IQCB1: variants seen among roughly 807,000 people sequenced by gnomAD.
The protein encoded by IQCB1 is IQ calmodulin-binding motif-containing protein 1.
Under a neutral mutation model 84.4 loss-of-function variants are expected in IQCB1, and 56 were observed. That is an observed-to-expected ratio of 0.66 (90% confidence interval 0.54 to 0.83). The LOEUF is 0.83. Ranked by LOEUF, IQCB1 falls within the 40% of genes least tolerant of loss-of-function variation. The pLI is 0.00. For synonymous variants in IQCB1, 210 were observed against 234.8 expected (o/e 0.89, Z 0.96); for missense variants, 629 against 682.1 (o/e 0.92, Z 0.87).
intron 14 of IQCB1, 146 bp downstream of exon 14, chr3:121,772,411 G>A (rs1948035254): frequency 2.6e-6 from 2 of 763,762 alleles, no homozygotes; most frequent in Non-Finnish European, 4.6e-6. Context: ...AAAACATTGT[G>A]TGCTGGTCTG....
chr3:121,821,653 T>A (rs896803698), intron 5 of IQCB1, among the ~76,000 whole-genome samples: 2 of 152,196 alleles, frequency 1.3e-5, no homozygotes, highest in African/African-American at 4.8e-5. Flanking sequence ...ACTTAATTTT[T>A]AAAAATAAGC....
chr3:121,813,022 A>G (rs905063016), intron 5 of IQCB1, among the ~76,000 whole-genome samples: 2 of 152,202 alleles, frequency 1.3e-5, no homozygotes, highest in African/African-American at 4.8e-5. Context: ...CCAGAGAGAA[A>G]GGTCAGGTTA....
chr3:121,798,584 T>C (rs1949288330), intron 8 of IQCB1, among the ~76,000 whole-genome samples: 1 of 151,942 alleles, frequency 6.6e-6, no homozygotes, highest in Non-Finnish European at 1.5e-5. Context: ...CCCATAGGAT[T>C]GTTGTAAAGA....
At chr3:121,832,353 G>GTTTT in intron 2 of IQCB1, among the ~76,000 whole-genome samples, 1 of 143,814 alleles carries the variant, frequency 7.0e-6, no homozygotes, top group Non-Finnish European at 1.5e-5. Flanking sequence ...TTGAGAGAGA[G>GTTTT]TCTGACTCTG....
chr3:121,822,284 T>C (rs1386601206), intron 5 of IQCB1, among the ~76,000 whole-genome samples: 1 of 152,246 alleles, frequency 6.6e-6, no homozygotes, highest in Non-Finnish European at 1.5e-5. Flanking sequence ...TCTCTCCATA[T>C]ATCTTCTATT....
At chr3:121,772,847 T>C in intron 13 of IQCB1, 134 bp from the exon 14 acceptor site, 1 of 793,884 alleles carries the variant, frequency 1.3e-6, no homozygotes. Flanking sequence ...ATGTCTATCT[T>C]GTACTCTTAT....
rs148193638 is a variant in IQCB1 at position 121,829,491 on chromosome 3, T to C, written c.-12-519A>G. Among the ~76,000 whole-genome samples the C allele has an allele frequency of 6.7e-4, 102 of 152,348 alleles. 1 individual carries two copies. Among genetic ancestry groups the C allele is most frequent in the African/African-American group, 2.4e-3 (98 of 41,590 alleles). On this transcript the variant is annotated intron_variant, in intron 2 of 14. Transcript: ENST00000310864. ...TGTTTATGAAAAACAATGTGGTTCATGCTGAATACCCGCCTTCCTTCCAGG... is the reference window on the plus strand; with the variant it reads ...TGTTTATGAAAAACAATGTGGTTCACGCTGAATACCCGCCTTCCTTCCAGG...
intron 7 of IQCB1, among the ~76,000 whole-genome samples, chr3:121,805,848 C>T (rs1365619869): frequency 1.3e-5 from 2 of 152,082 alleles, no homozygotes; most frequent in Admixed American, 6.6e-5. Context: ...GGGTTCTCTA[C>T]ATGTATAGCT....
chr3:121,828,368 G>T, intron 4 of IQCB1, 102 bp downstream of exon 4: 2 of 950,730 alleles, frequency 2.1e-6, no homozygotes, highest in East Asian at 2.4e-5. Context: ...TACAACAGGA[G>T]GTTGCCAATG....
At chr3:121,774,333 A>T (rs74524179) in intron 13 of IQCB1, among the ~76,000 whole-genome samples, 2,836 of 152,340 alleles carry the variant, frequency 0.019, 91 homozygotes, top group African/African-American at 0.064. Context: ...GACTGGTAGA[A>T]ATGTAAAATG....
At chr3:121,786,979 T>G (rs575549211) in intron 12 of IQCB1, among the ~76,000 whole-genome samples, 14 of 152,272 alleles carry the variant, frequency 9.2e-5, no homozygotes, top group Non-Finnish European at 1.3e-4. Context: ...CCAAAGGAAG[T>G]GTCTCCAACC....
intron 13 of IQCB1, among the ~76,000 whole-genome samples, chr3:121,776,044 G>A (rs972472469): frequency 4.6e-5 from 7 of 151,106 alleles, no homozygotes; most frequent in Non-Finnish European, 8.8e-5. Flanking sequence ...ATTCATCCAC[G>A]TTTTTTTTTC....
At chr3:121,804,240 G>A (rs941839262) in intron 7 of IQCB1, among the ~76,000 whole-genome samples, 1 of 151,718 alleles carries the variant, frequency 6.6e-6, no homozygotes, top group Non-Finnish European at 1.5e-5. Flanking sequence ...TGCCCTTTTG[G>A]AATACATTCT....
intron 5 of IQCB1, among the ~76,000 whole-genome samples, chr3:121,818,657 T>C (rs1950163579): frequency 6.6e-6 from 1 of 152,144 alleles, no homozygotes; most frequent in African/African-American, 2.4e-5. Flanking sequence ...TGATAATTGA[T>C]AAGTATTACC....
At chr3:121,784,444 T>C (rs903468516) in intron 12 of IQCB1, among the ~76,000 whole-genome samples, 3 of 152,168 alleles carry the variant, frequency 2.0e-5, no homozygotes, top group African/African-American at 7.2e-5. Context: ...GTGTGCTCCA[T>C]TTTATACGGT....
intron 10 of IQCB1, among the ~76,000 whole-genome samples, chr3:121,792,442 G>A (rs1949021701): frequency 6.6e-6 from 1 of 151,542 alleles, no homozygotes; most frequent in South Asian, 2.1e-4. Context: ...GGTGGATCAC[G>A]AGGTCAGGAG....
intron 5 of IQCB1, among the ~76,000 whole-genome samples, chr3:121,816,030 C>T (rs976074813): frequency 2.0e-5 from 3 of 150,996 alleles, no homozygotes; most frequent in African/African-American, 7.3e-5. Flanking sequence ...CTATACAAGG[C>T]TACAATAACC....
intron 14 of IQCB1, 54 bp downstream of exon 14, chr3:121,772,503 C>T: frequency 8.8e-6 from 14 of 1,594,216 alleles, no homozygotes; most frequent in Non-Finnish European, 1.1e-5. Context: ...TTGGATGTCA[C>T]AAACCTCGCA....
At chr3:121,833,022 T>A (rs2107470185) in intron 2 of IQCB1, among the ~76,000 whole-genome samples, 1 of 152,362 alleles carries the variant, frequency 6.6e-6, no homozygotes, top group South Asian at 2.1e-4. Context: ...TGTCTATTCT[T>A]GAGCTAGTAC....
Sources: allele counts gnomAD v4.1 joint callset (sites outside exome capture counted in the v4.1 genomes callset), GRCh38; gene constraint gnomAD v4.1.1; transcripts MANE v1.5; gene names NCBI Gene and HGNC (gene_info 2026-07-23, HGNC 2026-07-21).